The following DOCK2 variants were observed in gnomAD, a reference collection of about 807,000 sequenced individuals.
DOCK2 encodes the protein dedicator of cytokinesis 2, also known as dedicator of cytokinesis protein 2.
A neutral mutation model predicts 248.9 loss-of-function variants in DOCK2; 87 were observed. The observed-to-expected ratio is 0.35, with a 90% CI of 0.29 to 0.42. The LOEUF (loss-of-function observed/expected upper bound fraction) is 0.42, where lower values mean the gene tolerates loss of function less well. DOCK2 is among the 10% of genes least tolerant of loss of function. The probability of loss-of-function intolerance (pLI) is 1.00; values close to 1 mark genes in which losing one functional copy is unlikely to be tolerated. For missense variants in DOCK2, 1,747 were observed against 2,300.2 expected, an observed-to-expected ratio of 0.76 and a Z score of 4.92; for synonymous variants, 805 against 821.6, an observed-to-expected ratio of 0.98 and a Z score of 0.35.
At chr5:169,899,432 T>C (rs2113572065) in intron 27 of DOCK2, among the ~76,000 whole-genome samples, 1 of 152,180 alleles carries the variant, frequency 6.6e-6, no homozygotes, top group South Asian at 2.1e-4. Flanking sequence ...TACCTATAAA[T>C]AGGATGGCAA....
intron 27 of DOCK2, among the ~76,000 whole-genome samples, chr5:169,907,235 C>T (rs557799279): frequency 1.5e-3 from 228 of 152,112 alleles, no homozygotes; most frequent in Non-Finnish European, 2.7e-3. Flanking sequence ...ATTTGGTTTG[C>T]GTCATTCTTA....
chr5:169,746,320 G>A (rs1248545898), intron 22 of DOCK2, among the ~76,000 whole-genome samples: 1 of 152,188 alleles, frequency 6.6e-6, no homozygotes, highest in Non-Finnish European at 1.5e-5. Flanking sequence ...GGAAAGAAGG[G>A]TGAGGGGAAG....
At chr5:169,875,824 T>A (rs1772297494) in intron 27 of DOCK2, 1 of 152,716 alleles carries the variant, frequency 6.5e-6, no homozygotes, top group Admixed American at 6.5e-5. Context: ...TCAGCTGTTA[T>A]CATTGTAAAA....
intron 27 of DOCK2, among the ~76,000 whole-genome samples, chr5:169,974,890 A>T (rs914371585): frequency 2.0e-5 from 3 of 151,528 alleles, no homozygotes; most frequent in Non-Finnish European, 2.9e-5. Flanking sequence ...CAGGATAATT[A>T]TGTTCTGTGC....
chr5:169,710,249 C>A (rs1191437557), intron 15 of DOCK2, among the ~76,000 whole-genome samples: 4 of 152,142 alleles, frequency 2.6e-5, no homozygotes, highest in Non-Finnish European at 4.4e-5. Context: ...TATTGTCAGC[C>A]AGTGGAAATG....
At chr5:170,082,114 C>T in intron 51 of DOCK2, 130 bp downstream of exon 51, 1 of 1,302,330 alleles carries the variant, frequency 7.7e-7, no homozygotes, top group South Asian at 1.4e-5. Flanking sequence ...AGTCAGGAGG[C>T]CCTGAGTTCT....
chr5:169,796,378 G>A (rs1029521014), intron 25 of DOCK2, among the ~76,000 whole-genome samples: 32 of 152,186 alleles, frequency 2.1e-4, no homozygotes, highest in African/African-American at 7.0e-4. Flanking sequence ...TTTCATGGAG[G>A]AGAGGGGTAA....
intron 30 of DOCK2, among the ~76,000 whole-genome samples, chr5:169,997,813 ATC>A (rs1754699703): frequency 6.6e-6 from 1 of 152,120 alleles, no homozygotes; most frequent in Non-Finnish European, 1.5e-5. Flanking sequence ...TAACAATCTG[ATC>A]TCTCTTGCTT....
intron 27 of DOCK2, among the ~76,000 whole-genome samples, chr5:169,923,733 G>A (rs1775297128): frequency 6.6e-6 from 1 of 152,200 alleles, no homozygotes. Flanking sequence ...CCTTAAAAAT[G>A]TGAGTAACTG....
chr5:169,795,369 A>G (rs963569366), intron 25 of DOCK2, among the ~76,000 whole-genome samples: 3 of 152,088 alleles, frequency 2.0e-5, no homozygotes, highest in African/African-American at 7.2e-5. Flanking sequence ...TGGGAGATAC[A>G]TTTTGGTCCC....
intron 27 of DOCK2, among the ~76,000 whole-genome samples, chr5:169,951,183 G>A (rs1776650122): frequency 6.6e-6 from 1 of 152,172 alleles, no homozygotes. Context: ...CAAGAGAAAA[G>A]GGGAATGGTT....
chr5:169,670,465 A>G, intron 3 of DOCK2, 77 bp from the exon 4 acceptor site: 1 of 1,498,186 alleles, frequency 6.7e-7, no homozygotes, highest in Non-Finnish European at 8.9e-7. Context: ...AAAAATTATA[A>G]AGACGTAGGG....
At chr5:169,771,027 C>G (rs1046467518) in intron 25 of DOCK2, among the ~76,000 whole-genome samples, 3 of 152,224 alleles carry the variant, frequency 2.0e-5, no homozygotes, top group Non-Finnish European at 4.4e-5. Flanking sequence ...ATAGTGAACA[C>G]TCTTTTCCAA....
chr5:169,955,719 A>C (rs1208945052), intron 27 of DOCK2, among the ~76,000 whole-genome samples: 1 of 152,070 alleles, frequency 6.6e-6, no homozygotes, highest in African/African-American at 2.4e-5. Flanking sequence ...ACATTCTTTA[A>C]CCTCTCTGAA....
chr5:169,671,549 G>A (rs573338779), intron 5 of DOCK2, among the ~76,000 whole-genome samples: 42 of 152,306 alleles, frequency 2.8e-4, no homozygotes, highest in South Asian at 8.3e-4. Flanking sequence ...ATAACACATT[G>A]AGAAATACTG....
At chr5:169,740,105 T>C (rs1322218144) in intron 22 of DOCK2, among the ~76,000 whole-genome samples, 1 of 152,256 alleles carries the variant, frequency 6.6e-6, no homozygotes, top group African/African-American at 2.4e-5. Context: ...CTCCTCTGAA[T>C]AGAATGAAGG....
intron 27 of DOCK2, among the ~76,000 whole-genome samples, chr5:169,859,001 G>A (rs1389722822): frequency 6.6e-6 from 1 of 152,170 alleles, no homozygotes; most frequent in Admixed American, 6.5e-5. Flanking sequence ...GTGACAGAGT[G>A]AGACCCTGTT....
At chr5:169,953,296 A>G (rs1170601611) in intron 27 of DOCK2, among the ~76,000 whole-genome samples, 1 of 150,548 alleles carries the variant, frequency 6.6e-6, no homozygotes, top group African/African-American at 2.4e-5. Context: ...TTACACCATT[A>G]TACTCCAGCC....
chr5:169,777,932 T>A (rs370917798), intron 25 of DOCK2, among the ~76,000 whole-genome samples: 17 of 152,204 alleles, frequency 1.1e-4, no homozygotes, highest in African/African-American at 4.1e-4. Context: ...ACTTAGAGAA[T>A]GAATTCATCC....
Sources: gnomAD v4.1 joint callset for allele counts (sites outside exome capture counted in the v4.1 genomes callset) on GRCh38, gnomAD v4.1.1 for gene constraint, MANE v1.5 for transcripts, NCBI Gene and HGNC (gene_info 2026-07-23, HGNC 2026-07-21) for gene names.